The following LRRC37A2 variants were observed in gnomAD, a reference collection of about 807,000 sequenced individuals.
LRRC37A2 encodes the protein leucine rich repeat containing 37 member A2, also known as leucine-rich repeat-containing protein 37A2.
LRRC37A2 carries 9 observed loss-of-function variants against 68.8 expected under a neutral mutation model. The observed-to-expected ratio is 0.13, with a 90% CI of 0.08 to 0.23. The LOEUF is 0.23. LRRC37A2 is among the 10% of genes least tolerant of loss of function. The probability of loss-of-function intolerance (pLI) is 1.00; values close to 1 mark genes in which losing one functional copy is unlikely to be tolerated. For missense variants in LRRC37A2, 168 were observed against 950.4 expected (o/e 0.18, Z 10.82); for synonymous variants, 63 against 367.6 (o/e 0.17, Z 9.48).
the LRRC37A2 span, among the ~76,000 whole-genome samples, chr17:46,750,543 G>A: frequency 6.6e-6 from 1 of 152,136 alleles, no homozygotes; most frequent in Non-Finnish European, 1.5e-5. Flanking sequence ...TCAGACTTTT[G>A]GATTAGGGAT....
chr17:46,978,603 CCTT>C, the LRRC37A2 span: 1 of 1,541,634 alleles, frequency 6.5e-7, no homozygotes, highest in African/African-American at 1.4e-5. Context: ...TCTCCGGGGT[CCTT>C]CTTGCAGCAG....
chr17:46,709,726 C>T, the LRRC37A2 span, among the ~76,000 whole-genome samples: 1 of 151,954 alleles, frequency 6.6e-6, no homozygotes, highest in Non-Finnish European at 1.5e-5. Context: ...AACTCCATAC[C>T]TCAGGTGATC....
chr17:47,014,203 A>C, the LRRC37A2 span, among the ~76,000 whole-genome samples: 7 of 152,248 alleles, frequency 4.6e-5, no homozygotes, highest in East Asian at 1.4e-3. Context: ...CAGCCTGGCC[A>C]ACATGGTGAA....
chr17:46,985,450 G>T, the LRRC37A2 span, among the ~76,000 whole-genome samples: 1 of 151,854 alleles, frequency 6.6e-6, no homozygotes, highest in Non-Finnish European at 1.5e-5. Context: ...AACCTGGGAG[G>T]CGGAGGTTGC....
chr17:46,979,067 G>A, the LRRC37A2 span: 3 of 1,324,554 alleles, frequency 2.3e-6, no homozygotes, highest in Non-Finnish European at 2.9e-6. Flanking sequence ...TGCTCGCCGG[G>A]GTCCGCGCTC....
the LRRC37A2 span, among the ~76,000 whole-genome samples, chr17:46,847,967 AGTGTGT>A: frequency 0.14 from 21,090 of 149,640 alleles, 1,676 homozygotes; most frequent in South Asian, 0.31. Flanking sequence ...TGATTTCCAA[AGTGTGT>A]GTGTGTGTGT....
At chr17:46,630,976 T>C in the LRRC37A2 span, among the ~76,000 whole-genome samples, 43 of 138,048 alleles carry the variant, frequency 3.1e-4, 1 homozygote, top group Admixed American at 7.5e-5. Flanking sequence ...TTCTGTATAC[T>C]ACCTTTACCC....
chr17:46,991,244 T>G, the LRRC37A2 span, among the ~76,000 whole-genome samples: 2 of 152,168 alleles, frequency 1.3e-5, no homozygotes, highest in African/African-American at 2.4e-5. Context: ...ATATTTGAAT[T>G]TATAAAATAT....
At chr17:46,502,093 T>G in the LRRC37A2 span, among the ~76,000 whole-genome samples, 1 of 151,096 alleles carries the variant, frequency 6.6e-6, no homozygotes, top group Admixed American at 6.6e-5. Context: ...AAGTAATGAG[T>G]TTTTAGTGCG....
chr17:46,941,748 T>C, the LRRC37A2 span: 2 of 174,884 alleles, frequency 1.1e-5, no homozygotes, highest in African/African-American at 4.8e-5. Flanking sequence ...TAATTTTTTT[T>C]TTTTTTTTGT....
chr17:47,013,033 G>A, the LRRC37A2 span, among the ~76,000 whole-genome samples: 1 of 152,148 alleles, frequency 6.6e-6, no homozygotes. Flanking sequence ...ACCATAGAAA[G>A]GAATAAAGTA....
the LRRC37A2 span, among the ~76,000 whole-genome samples, chr17:46,905,479 A>ACTTTG: frequency 5.3e-5 from 8 of 152,156 alleles, no homozygotes; most frequent in Non-Finnish European, 1.2e-4. Context: ...CAGCAAGAAG[A>ACTTTG]CTTTGTTTCA....
the LRRC37A2 span, among the ~76,000 whole-genome samples, chr17:46,945,554 A>G: frequency 6.6e-6 from 1 of 152,232 alleles, no homozygotes; most frequent in African/African-American, 2.4e-5. Flanking sequence ...AGCTCAAAAC[A>G]GAATTGCATC....
At chr17:46,935,370 T>C in the LRRC37A2 span, 1 of 1,446,574 alleles carries the variant, frequency 6.9e-7, no homozygotes, top group Non-Finnish European at 9.0e-7. Context: ...TGCCAGTGCT[T>C]GAAACAAACC....
the LRRC37A2 span, among the ~76,000 whole-genome samples, chr17:46,808,403 C>CA: frequency 6.6e-6 from 1 of 152,224 alleles, no homozygotes; most frequent in African/African-American, 2.4e-5. Flanking sequence ...AAACTTGTCT[C>CA]AAAACCATCC....
chr17:46,848,249 G>C, the LRRC37A2 span, among the ~76,000 whole-genome samples: 1 of 152,312 alleles, frequency 6.6e-6, no homozygotes, highest in African/African-American at 2.4e-5. Context: ...CATGGAGCCC[G>C]TGTCCGAGCC....
the LRRC37A2 span, chr17:47,017,235 C>T: frequency 1.2e-5 from 19 of 1,611,818 alleles, no homozygotes; most frequent in Middle Eastern, 2.3e-4. Flanking sequence ...TGTCATGTCC[C>T]GGCTGCGTTT....
the LRRC37A2 span, among the ~76,000 whole-genome samples, chr17:46,492,314 G>A: frequency 1.3e-5 from 2 of 150,976 alleles, no homozygotes; most frequent in East Asian, 3.9e-4. Flanking sequence ...TACGTGTACA[G>A]TGCATAATGT....
chr17:46,907,745 A>G, the LRRC37A2 span, among the ~76,000 whole-genome samples: 129,761 of 147,180 alleles, frequency 0.88, 58,292 homozygotes, highest in East Asian at 0.97. Flanking sequence ...CCAGCTACTC[A>G]GCGGGGGGGG....
Sources: allele counts gnomAD v4.1 joint callset (sites outside exome capture counted in the v4.1 genomes callset), GRCh38; gene constraint gnomAD v4.1.1; transcripts MANE v1.5; gene names NCBI Gene and HGNC (gene_info 2026-07-23, HGNC 2026-07-21).